Variants in PYGL observed in about 807,000 individuals in gnomAD.
The protein encoded by PYGL is glycogen phosphorylase L.
PYGL carries 90 observed loss-of-function variants against 100.1 expected under a neutral mutation model. The observed-to-expected ratio is 0.90, with a 90% confidence interval of 0.76 to 1.07. The LOEUF is 1.07. Among genes scored for constraint, PYGL ranks in the 50% least tolerant of loss-of-function variants. The pLI is 0.00. For synonymous variants in PYGL, 373 were observed against 393.0 expected (o/e 0.95, Z 0.60); for missense variants, 1,016 against 1,057.6 (o/e 0.96, Z 0.55).
chr14:50,934,373 C>T (rs1337621766), intron 3 of PYGL, among the ~76,000 whole-genome samples: 1 of 152,078 alleles, frequency 6.6e-6, no homozygotes, highest in Non-Finnish European at 1.5e-5. Flanking sequence ...AAAACAACAG[C>T]AACTTAACTT....
At chr14:50,930,020 C>T (rs11850468) in intron 4 of PYGL, among the ~76,000 whole-genome samples, 30 of 152,170 alleles carry the variant, frequency 2.0e-4, no homozygotes, top group Admixed American at 6.5e-4. Flanking sequence ...TTTCCTTTAT[C>T]TTTCTGGCCT....
chr14:50,932,053 A>T (rs2050605913), intron 3 of PYGL, among the ~76,000 whole-genome samples: 2 of 152,250 alleles, frequency 1.3e-5, no homozygotes, highest in Admixed American at 1.3e-4. Flanking sequence ...ACTATTGTGT[A>T]CATTTTGTTT....
chr14:50,905,306 T>G lies in PYGL; in HGVS notation c.*86A>C. ...AGAGATACTCAACTATTATAGATTATTAGCTAACAAAACAAAAACCAGTGA... is the reference window on the plus strand; with the variant it reads ...AGAGATACTCAACTATTATAGATTAGTAGCTAACAAAACAAAAACCAGTGA... On this transcript the variant is annotated 3_prime_UTR_variant, in exon 20 of 20. Transcript: ENST00000216392. The G allele has an allele frequency of 3.7e-6, 5 of 1,347,406 alleles. No homozygotes were observed. In the African/African-American group the frequency reaches 5.8e-5, roughly 16 times the overall value. 83.5% of individuals were successfully genotyped at this position (1,347,406 alleles called of 1,614,324 possible).
At chr14:50,923,577 T>C (rs138734731) in intron 5 of PYGL, 2,642 of 198,708 alleles carry the variant, frequency 0.013, 76 homozygotes, top group African/African-American at 0.059. Flanking sequence ...TGTGAGCCAC[T>C]GCACCCAGCC....
At chr14:50,938,795 T>C (rs1456446453) in intron 1 of PYGL, among the ~76,000 whole-genome samples, 1 of 152,184 alleles carries the variant, frequency 6.6e-6, no homozygotes, top group Non-Finnish European at 1.5e-5. Context: ...CTCCTGATCA[T>C]GAACCTCATG....
At chr14:50,924,963 A>G (rs2050533939) in intron 4 of PYGL, among the ~76,000 whole-genome samples, 1 of 152,240 alleles carries the variant, frequency 6.6e-6, no homozygotes, top group Non-Finnish European at 1.5e-5. Context: ...TAAATTATTG[A>G]AACCTTTAAA....
At chr14:50,921,718 C>T (rs2050504875) in intron 5 of PYGL, among the ~76,000 whole-genome samples, 1 of 152,110 alleles carries the variant, frequency 6.6e-6, no homozygotes, top group African/African-American at 2.4e-5. Context: ...AAAGCCATTG[C>T]TCTAATAATA....
Position 50,913,147 on chromosome 14 carries a change from A to G in PYGL, c.1519-17T>C. ...TCCAATTTTCTTTCAATTCAAAGGA[A>G]AAGATGACTTCAATTTGGGGATGGT... On this transcript the variant is annotated splice_polypyrimidine_tract_variant and intron_variant, in intron 12 of 19. Coordinates refer to ENST00000216392, the MANE Select transcript of PYGL (RefSeq NM_002863.5). The G allele has an allele frequency of 6.2e-7, 1 of 1,610,246 alleles. No individual in the cohort carries two copies. The highest frequency in any genetic ancestry group is 2.2e-5 in the East Asian group (1 of 44,768).
Position 50,937,871 on chromosome 14 carries a change from C to T in PYGL, c.244-34G>A, listed in dbSNP as rs17123214. 29,738 of 1,552,696 alleles carry T rather than the reference C, an allele frequency of 0.019. 339 individuals are homozygous for T. Among genetic ancestry groups the T allele is most frequent in the African/African-American group, 0.037 (2,695 of 73,696 alleles). On this transcript the variant is annotated intron_variant, in intron 1 of 19. Coordinates refer to ENST00000216392, the MANE Select transcript of PYGL (RefSeq NM_002863.5). ...AAGAAAAGAGAGATAATGTTTCCCCCAAGAGATCAACCTCACTTAACATAA... is the reference window on the plus strand; with the variant it reads ...AAGAAAAGAGAGATAATGTTTCCCCTAAGAGATCAACCTCACTTAACATAA...
intron 7 of PYGL, among the ~76,000 whole-genome samples, chr14:50,919,672 TG>T (rs2050482966): frequency 6.7e-6 from 1 of 149,410 alleles, no homozygotes; most frequent in Non-Finnish European, 1.5e-5. Context: ...AAGTGGTGTG[TG>T]TGTGTGTGTG....
In PYGL at chr14:50,921,373, G is replaced by T; in HGVS notation, c.661-306C>A. The T allele has an allele frequency of 1.6e-5, 5 of 310,058 alleles. No individual in the cohort carries two copies. The East Asian group carries it at 2.0e-4, about 12-fold the overall frequency. The allele number at this position is 310,058 out of a possible 1,614,324, so 19.2% of individuals were successfully genotyped here. On this transcript the variant is annotated intron_variant, in intron 5 of 19. Coordinates refer to ENST00000216392, the MANE Select transcript of PYGL (RefSeq NM_002863.5). ...TAAATGCAGTGGAATGGAATGATAT[G>T]GTATTTGTATTCAAAAAAGTTTATC...
At chr14:50,905,838 A>G (rs1241463147) in intron 19 of PYGL, among the ~76,000 whole-genome samples, 5 of 152,238 alleles carry the variant, frequency 3.3e-5, no homozygotes. Flanking sequence ...TATGGTTACA[A>G]TGTTTTGGCA....
At chr14:50,921,217 G>C (rs2050498075) in intron 5 of PYGL, 150 bp from the exon 6 acceptor site, 2 of 648,108 alleles carry the variant, frequency 3.1e-6, no homozygotes, top group Non-Finnish European at 5.5e-6. Flanking sequence ...GAGGGTCTCA[G>C]GGCTGCAGAG....
At chr14:50,923,704 AAAAAAG>A in intron 5 of PYGL, 1 of 295,016 alleles carries the variant, frequency 3.4e-6, no homozygotes, top group Non-Finnish European at 6.4e-6. Context: ...AAAAAAAAAA[AAAAAAG>A]AACTGACAAT....
Position 50,931,782 on chromosome 14 carries a change from T to A in PYGL, c.425-6A>T. On this transcript the variant is annotated splice_region_variant and splice_polypyrimidine_tract_variant and intron_variant, in intron 3 of 19. Coordinates refer to ENST00000216392, the MANE Select transcript of PYGL (RefSeq NM_002863.5). ...CATGGAATCCAAGAAGCAGGCTACATTCAACAGAGCACAGGCAAAAGATAG... is the reference window on the plus strand; with the variant it reads ...CATGGAATCCAAGAAGCAGGCTACAATCAACAGAGCACAGGCAAAAGATAG... 6.2e-7 allele frequency: 1 copy of A among 1,612,366 alleles called. No individual in the cohort carries two copies. Among genetic ancestry groups the A allele is most frequent in the Non-Finnish European group, 8.5e-7 (1 of 1,178,484 alleles).
intron 1 of PYGL, among the ~76,000 whole-genome samples, chr14:50,942,003 C>T (rs918877792): frequency 2.6e-5 from 4 of 152,084 alleles, no homozygotes; most frequent in African/African-American, 9.7e-5. Context: ...CAGAAATGTA[C>T]GCATAGAGTT....
chr14:50,913,750 C>T (rs781223987), intron 12 of PYGL, among the ~76,000 whole-genome samples: 11 of 152,062 alleles, frequency 7.2e-5, no homozygotes, highest in Admixed American at 3.9e-4. Flanking sequence ...AAAGCAATGT[C>T]GTGATCATAG....
intron 1 of PYGL, 56 bp downstream of exon 1, chr14:50,944,105 G>C: frequency 6.5e-7 from 1 of 1,548,260 alleles, no homozygotes; most frequent in African/African-American, 1.4e-5. Context: ...GCCCGGCCGC[G>C]GCCGGAGACT....
At chr14:50,939,087 CTGG>C (rs1177986586) in intron 1 of PYGL, among the ~76,000 whole-genome samples, 1 of 152,160 alleles carries the variant, frequency 6.6e-6, no homozygotes, top group East Asian at 1.9e-4. Context: ...GTCGGCCAGG[CTGG>C]AGTGCAGTGG....
Sources: allele counts gnomAD v4.1 joint callset (sites outside exome capture counted in the v4.1 genomes callset), GRCh38; gene constraint gnomAD v4.1.1; transcripts MANE v1.5; gene names NCBI Gene and HGNC (gene_info 2026-07-23, HGNC 2026-07-21).